The following RNF212 variants were observed in gnomAD, a reference collection of about 807,000 sequenced individuals.
RNF212 encodes probable E3 SUMO-protein ligase RNF212.
Under a neutral mutation model 34.7 loss-of-function variants are expected in RNF212, and 33 were observed. That is an observed-to-expected ratio of 0.95 (90% CI 0.72 to 1.27). The LOEUF is 1.27. RNF212 is among the 50% of genes most tolerant of loss of function. RNF212 has a pLI of 0.00. For missense variants in RNF212, 377 were observed against 362.2 expected, an observed-to-expected ratio of 1.04 and a Z score of -0.33; for synonymous variants, 140 against 136.1, an observed-to-expected ratio of 1.03 and a Z score of -0.20.
intron 3 of RNF212, among the ~76,000 whole-genome samples, chr4:1,066,158 A>G (rs2153033794): frequency 6.6e-6 from 1 of 150,442 alleles, no homozygotes; most frequent in East Asian, 2.0e-4. Flanking sequence ...CCTTGGCTCG[A>G]GCAATCCTCC....
At chr4:1,070,328 A>G (rs878900411), downstream of RNF212, among the ~76,000 whole-genome samples, 1 of 142,708 alleles carries the variant, frequency 7.0e-6, no homozygotes, top group African/African-American at 2.7e-5. Flanking sequence ...GTCAGCGTGG[A>G]CGCCTGGCCT....
chr4:1,080,127 C>G (rs568770710), intron 7 of RNF212, among the ~76,000 whole-genome samples: 1 of 152,220 alleles, frequency 6.6e-6, no homozygotes, highest in Admixed American at 6.5e-5. Flanking sequence ...ACGCTCGGTA[C>G]GCACTAGTTC....
At chr4:1,064,528 G>T (rs557412506) in intron 3 of RNF212, among the ~76,000 whole-genome samples, 2 of 152,214 alleles carry the variant, frequency 1.3e-5, no homozygotes, top group African/African-American at 4.8e-5. Context: ...GATGCTGGCT[G>T]ATGGGGGTCC....
intron 8 of RNF212, among the ~76,000 whole-genome samples, chr4:1,077,272 A>T (rs1349271271): frequency 6.6e-6 from 1 of 152,166 alleles, no homozygotes; most frequent in Non-Finnish European, 1.5e-5. Context: ...AAGACAGAAA[A>T]TGCCCATGTC....
In RNF212 at chr4:1,079,668, T is replaced by C. The variant is rs137960323; in HGVS notation, c.485A>G (p.Asp162Gly). Reference sequence around the variant, plus strand: ...TTTTCTAATCGGAGAAGGAGAGAGATCAACTTCCATCGACTCCAGTCTGTT... The same window carrying C: ...TTTTCTAATCGGAGAAGGAGAGAGACCAACTTCCATCGACTCCAGTCTGTT... ...APDRLESMEV[D>G]LSPSPIRKSE... The change falls in exon 8 of 10, where the codon GAT (aspartate) becomes GGT (glycine). Residue 162 changes from aspartate to glycine, a missense_variant. Transcript: ENST00000433731. 59 of 1,611,128 alleles carry C rather than the reference T, an allele frequency of 3.7e-5. No homozygotes were observed. The African/African-American group carries it at 7.7e-4, about 21-fold the overall frequency.
chr4:1,113,496 G>A lies in RNF212; in HGVS notation c.-32C>T, dbSNP rs1726158428. The A allele has an allele frequency of 9.5e-6, 15 of 1,574,046 alleles. No homozygotes were observed. The highest frequency in any genetic ancestry group is 1.3e-5 in the Non-Finnish European group (15 of 1,152,808). ...CGGGCGACCGCAGCGGCGAGGCCGG[G>A]CCCACGCGAAGCCCACGCAAGGTTG... On this transcript the variant is annotated 5_prime_UTR_variant, in exon 1 of 10. Coordinates refer to ENST00000433731, the MANE Select transcript of RNF212 (RefSeq NM_001131034.4).
At chr4:1,067,928 G>C (rs527448063), downstream of RNF212, among the ~76,000 whole-genome samples, 4 of 151,626 alleles carry the variant, frequency 2.6e-5, no homozygotes, top group African/African-American at 9.7e-5. Flanking sequence ...TACAAGGCCT[G>C]TACAGTGAAA....
chr4:1,085,997 C>T, intron 4 of RNF212, 43 bp from the exon 5 acceptor site: 1 of 1,383,848 alleles, frequency 7.2e-7, no homozygotes. Context: ...ACAGGCTATG[C>T]TGAGTGACAT....
Position 1,113,339 on chromosome 4 carries a change from G to A in RNF212, c.109+17C>T, listed in dbSNP as rs777405762. The A allele has an allele frequency of 4.1e-6, 6 of 1,448,980 alleles. No individual in the cohort carries two copies. The South Asian group carries it at 4.9e-5, about 12-fold the overall frequency. 89.8% of individuals were successfully genotyped at this position (1,448,980 alleles called of 1,614,324 possible). Reference sequence around the variant, plus strand: ...CGCTCCCCTCCCCTCTCCAGCCTGCGTTCGGGAAGCCCTGACCTTTGCCGA... The same window carrying A: ...CGCTCCCCTCCCCTCTCCAGCCTGCATTCGGGAAGCCCTGACCTTTGCCGA... On this transcript the variant is annotated intron_variant, in intron 1 of 9. Transcript: ENST00000433731.
intron 3 of RNF212, chr4:1,096,560 G>A: frequency 3.3e-6 from 2 of 614,418 alleles, no homozygotes; most frequent in South Asian, 3.6e-5. Flanking sequence ...GCTCATCACA[G>A]AACCAAGCAC....
chr4:1,081,808 C>A (rs758100438), intron 5 of RNF212, 189 bp from the exon 6 acceptor site: 1 of 581,340 alleles, frequency 1.7e-6, no homozygotes, highest in Non-Finnish European at 3.1e-6. Flanking sequence ...TCCTCCCTAG[C>A]GCTGAAGCCA....
At chr4:1,075,023 C>A (rs912633953) in intron 8 of RNF212, among the ~76,000 whole-genome samples, 1 of 152,192 alleles carries the variant, frequency 6.6e-6, no homozygotes, top group Non-Finnish European at 1.5e-5. Context: ...AGAAAATCTC[C>A]GCAGAGCGTT....
rs556769720 is a variant in RNF212 at position 1,077,601 on chromosome 4, C to T, written c.510+2042G>A. Among the ~76,000 whole-genome samples the T allele has an allele frequency of 4.6e-5, 7 of 152,322 alleles. No homozygotes were observed. In the South Asian group the frequency reaches 1.5e-3, roughly 32 times the overall value. On this transcript the variant is annotated intron_variant, in intron 8 of 9. Coordinates refer to ENST00000433731, the MANE Select transcript of RNF212 (RefSeq NM_001131034.4). ...ATCCTAAGGAAAGGTAGAAAGCTGA[C>T]CTGACAGAACAAAGTTCTTCCTCCT...
chr4:1,092,830 G>T (rs530946717), intron 3 of RNF212, among the ~76,000 whole-genome samples: 1 of 152,372 alleles, frequency 6.6e-6, no homozygotes, highest in African/African-American at 2.4e-5. Context: ...GGCAGTCGGG[G>T]GAGAATGCAG....
At position 1,073,046 on chromosome 4, in the gene RNF212, G is replaced by C; in HGVS notation, c.722C>G (p.Ser241Cys). 1 of 1,614,130 alleles carries C rather than the reference G, an allele frequency of 6.2e-7. No individual in the cohort carries two copies. The highest frequency in any genetic ancestry group is 1.1e-5 in the South Asian group (1 of 91,080). Residue 241 changes from serine to cysteine, a missense_variant, in exon 10 of 10, where the codon TCT becomes TGT. Coordinates refer to ENST00000433731, the MANE Select transcript of RNF212 (RefSeq NM_001131034.4). The stretch of plus-strand genomic sequence containing the variant: ...GTTGGTGAGTTCCCCGTGCCTTCCA[G>C]AACTGAACGCTAGGAGGAGCAGCCA... ...PHWLLLLAFS[S>C]GRHGELTNSK...
At position 1,095,245 on chromosome 4, in the gene RNF212, G is replaced by A. The variant is rs1230261084; in HGVS notation, c.246+1520C>T. 1.4e-4 allele frequency among the ~76,000 whole-genome samples: 14 copies of A among 97,772 alleles called. No homozygotes were observed. The East Asian group carries it at 3.3e-3, about 23-fold the overall frequency. 64.1% of individuals were successfully genotyped at this position (97,772 alleles called of 152,430 possible). ...CACAGCTCCATGGTCTCGGGATAGC[G>A]CACCTGGCTCATCACGGAACCAAGC... On this transcript the variant is annotated intron_variant, in intron 3 of 9. Transcript: ENST00000433731.
At chr4:1,090,333 A>G (rs1721988087) in intron 4 of RNF212, among the ~76,000 whole-genome samples, 2 of 152,158 alleles carry the variant, frequency 1.3e-5, no homozygotes, top group South Asian at 4.1e-4. Context: ...CAGGGTCACA[A>G]GCTGGCTTCC....
chr4:1,058,335 C>T lies in RNF212; in HGVS notation n.206G>A. On this transcript the variant is annotated non_coding_transcript_exon_variant, in exon 4 of 5. Transcript: ENST00000503206. ...GGGGGCACTACCTGAGAGGCTTTCC[C>T]ATGCTCCTCTGACTCGTTGTCAGGC... 4 of 985,408 alleles carry T rather than the reference C, an allele frequency of 4.1e-6. 1 individual carries two copies. The highest frequency in any genetic ancestry group is 4.8e-6 in the Non-Finnish European group (4 of 827,966). The allele number at this position is 985,408 out of a possible 1,614,324, so 61.0% of individuals were successfully genotyped here.
intron 3 of RNF212, chr4:1,093,922 T>C (rs1722621445): frequency 3.9e-6 from 6 of 1,536,100 alleles, no homozygotes. Context: ...TGGCTGCTGC[T>C]TGGCTTCCAT....
Sources: allele counts gnomAD v4.1 joint callset (sites outside exome capture counted in the v4.1 genomes callset), GRCh38; gene constraint gnomAD v4.1.1; transcripts MANE v1.5; gene names NCBI Gene and HGNC (gene_info 2026-07-23, HGNC 2026-07-21).